Variants in DGKB observed in about 807,000 individuals in gnomAD.
The protein encoded by DGKB is 90 kDa diacylglycerol kinase.
In DGKB, 67 loss-of-function variants were observed where a neutral mutation model predicts 114.3. The observed-to-expected ratio is 0.59, with a 90% confidence interval of 0.48 to 0.72. DGKB has a LOEUF of 0.72. DGKB is among the 30% of genes least tolerant of loss of function. The pLI is 0.00. For synonymous variants in DGKB, 398 were observed against 323.1 expected (o/e 1.23, Z -2.49); for missense variants, 907 against 975.2 (o/e 0.93, Z 0.93).
chr7:14,151,397 C>T (rs973985669), intron 25 of DGKB, among the ~76,000 whole-genome samples: 3 of 151,042 alleles, frequency 2.0e-5, no homozygotes, highest in Admixed American at 6.6e-5. Context: ...GACTTAGCTT[C>T]TTCTCTGTGT....
intron 21 of DGKB, among the ~76,000 whole-genome samples, chr7:14,346,539 C>T (rs1313584459): frequency 1.3e-5 from 2 of 151,882 alleles, no homozygotes; most frequent in Non-Finnish European, 2.9e-5. Flanking sequence ...GTATAAGTTT[C>T]ATAGGATTCT....
At chr7:14,909,378 T>C (rs1434121689) in intron 1 of DGKB, among the ~76,000 whole-genome samples, 1 of 152,204 alleles carries the variant, frequency 6.6e-6, no homozygotes, top group Non-Finnish European at 1.5e-5. Context: ...ATCATTCTTA[T>C]ATGCTTTTAA....
chr7:14,265,389 C>T (rs1457511003), intron 23 of DGKB, among the ~76,000 whole-genome samples: 2 of 127,150 alleles, frequency 1.6e-5, no homozygotes, highest in Non-Finnish European at 3.1e-5. Flanking sequence ...ACTAGCCATG[C>T]TTTTCTGCTA....
At chr7:14,170,146 AAAGAAAGAAAG>A (rs1310963997) in intron 25 of DGKB, among the ~76,000 whole-genome samples, 273 of 25,876 alleles carry the variant, frequency 0.011, 7 homozygotes, top group South Asian at 0.039. Context: ...AAAAAAAAAA[AAAGAAAGAAAG>A]AAAGAAAGAA....
chr7:14,780,218 C>T (rs890628929), intron 2 of DGKB, among the ~76,000 whole-genome samples: 1 of 152,160 alleles, frequency 6.6e-6, no homozygotes, highest in Non-Finnish European at 1.5e-5. Context: ...ATAAATGACC[C>T]TGTGATGGAG....
At chr7:14,257,419 C>T (rs1020109522) in intron 23 of DGKB, among the ~76,000 whole-genome samples, 8 of 151,992 alleles carry the variant, frequency 5.3e-5, no homozygotes, top group African/African-American at 1.2e-4. Flanking sequence ...AATAAACCAA[C>T]GGACTATGAT....
intron 2 of DGKB, among the ~76,000 whole-genome samples, chr7:14,773,206 G>C (rs142808965): frequency 3.3e-4 from 50 of 152,138 alleles, no homozygotes; most frequent in African/African-American, 1.2e-3. Context: ...TTAAATAATT[G>C]ATACTTTAGT....
chr7:14,704,452 A>G (rs1825805104), intron 6 of DGKB, among the ~76,000 whole-genome samples: 1 of 149,352 alleles, frequency 6.7e-6, no homozygotes, highest in Non-Finnish European at 1.5e-5. Context: ...CATCTCAAAA[A>G]AAAAAAAAAA....
chr7:14,610,001 C>T (rs1000731230), intron 16 of DGKB, among the ~76,000 whole-genome samples: 1 of 151,988 alleles, frequency 6.6e-6, no homozygotes, highest in East Asian at 1.9e-4. Flanking sequence ...TACCATTCAA[C>T]CCAGCAATCC....
At chr7:14,562,626 G>A (rs985840875) in intron 20 of DGKB, among the ~76,000 whole-genome samples, 29 of 152,164 alleles carry the variant, frequency 1.9e-4, no homozygotes, top group Non-Finnish European at 2.2e-4. Flanking sequence ...TTTGGAACTC[G>A]AAGGTTTAAT....
chr7:14,845,106 C>CAAAAAAAAAAAAAAAAAA (rs59367496), intron 1 of DGKB, among the ~76,000 whole-genome samples: 73 of 89,254 alleles, frequency 8.2e-4, no homozygotes, highest in Non-Finnish European at 1.3e-3. Flanking sequence ...GGCCCTGTGT[C>CAAAAAAAAAAAAAAAAAA]AAAAAAAAAA....
At chr7:14,700,491 C>T (rs750223622) in intron 7 of DGKB, among the ~76,000 whole-genome samples, 1 of 152,170 alleles carries the variant, frequency 6.6e-6, no homozygotes, top group Non-Finnish European at 1.5e-5. Context: ...GCTGGGATTA[C>T]AGGCATAAGC....
At chr7:14,726,958 C>A (rs1045420076) in intron 5 of DGKB, among the ~76,000 whole-genome samples, 2 of 152,152 alleles carry the variant, frequency 1.3e-5, no homozygotes, top group African/African-American at 4.8e-5. Context: ...TGTCCAACAC[C>A]ATTGCATATT....
intron 23 of DGKB, among the ~76,000 whole-genome samples, chr7:14,279,648 T>G (rs988851608): frequency 6.6e-6 from 1 of 152,162 alleles, no homozygotes; most frequent in Non-Finnish European, 1.5e-5. Flanking sequence ...GGCTTCCCTT[T>G]GAGGGTAACC....
chr7:14,290,939 C>G (rs567300051), intron 23 of DGKB, among the ~76,000 whole-genome samples: 10 of 151,316 alleles, frequency 6.6e-5, no homozygotes, highest in Non-Finnish European at 1.2e-4. Context: ...CTCAGGAGTT[C>G]GAGACAAGCC....
chr7:14,671,597 T>G (rs980852262), intron 13 of DGKB, among the ~76,000 whole-genome samples: 2 of 152,090 alleles, frequency 1.3e-5, no homozygotes, highest in African/African-American at 4.8e-5. Flanking sequence ...CACCTTATGT[T>G]TGAATTTATA....
chr7:14,769,121 GAAA>G (rs1836940596), intron 2 of DGKB, among the ~76,000 whole-genome samples: 3 of 90,200 alleles, frequency 3.3e-5, no homozygotes, highest in African/African-American at 2.2e-4. Flanking sequence ...AAGAAAGAAA[GAAA>G]GAGAGAGAGA....
At chr7:14,837,661 A>T (rs1847342103) in intron 2 of DGKB, among the ~76,000 whole-genome samples, 1 of 152,168 alleles carries the variant, frequency 6.6e-6, no homozygotes, top group East Asian at 1.9e-4. Context: ...GTATGGAGGA[A>T]TGTCACTTAC....
intron 3 of DGKB, among the ~76,000 whole-genome samples, chr7:14,755,872 A>T (rs1834799636): frequency 1.3e-5 from 2 of 152,048 alleles, no homozygotes; most frequent in Non-Finnish European, 2.9e-5. Flanking sequence ...CTTGGGTTGT[A>T]ATGAGATCTA....
Sources: gnomAD v4.1 joint callset for allele counts (sites outside exome capture counted in the v4.1 genomes callset) on GRCh38, gnomAD v4.1.1 for gene constraint, MANE v1.5 for transcripts, NCBI Gene and HGNC (gene_info 2026-07-23, HGNC 2026-07-21) for gene names.